Variants in KHDRBS3 observed in about 807,000 individuals in gnomAD.
KHDRBS3 encodes the protein KH RNA binding domain containing, signal transduction associated 3.
A neutral mutation model predicts 45.6 loss-of-function variants in KHDRBS3; 23 were observed. That is an observed-to-expected ratio of 0.50 (90% CI 0.36 to 0.72). The LOEUF (loss-of-function observed/expected upper bound fraction) is 0.72. KHDRBS3 is among the 30% of genes least tolerant of loss of function. KHDRBS3 has a pLI of 0.00. For synonymous variants in KHDRBS3, 162 were observed against 156.5 expected (o/e 1.04, Z -0.26); for missense variants, 352 against 424.8 (o/e 0.83, Z 1.51).
intron 7 of KHDRBS3, among the ~76,000 whole-genome samples, chr8:135,643,813 T>A (rs764293507): frequency 1.3e-5 from 2 of 152,232 alleles, no homozygotes; most frequent in African/African-American, 2.4e-5. Context: ...GCAGTATCCT[T>A]ATCTGTCAAA....
intron 6 of KHDRBS3, among the ~76,000 whole-genome samples, chr8:135,606,686 C>G (rs951658954): frequency 2.6e-5 from 4 of 152,058 alleles, no homozygotes; most frequent in Non-Finnish European, 5.9e-5. Context: ...AGAAAAAAGA[C>G]AATGTTTTCT....
At chr8:135,484,320 A>G (rs1822735538) in intron 1 of KHDRBS3, among the ~76,000 whole-genome samples, 1 of 152,212 alleles carries the variant, frequency 6.6e-6, no homozygotes, top group Non-Finnish European at 1.5e-5. Flanking sequence ...CACCATCGCT[A>G]GACCTTCTTC....
chr8:135,568,943 C>T (rs1010148440), intron 5 of KHDRBS3, among the ~76,000 whole-genome samples: 2 of 152,074 alleles, frequency 1.3e-5, no homozygotes, highest in African/African-American at 4.8e-5. Context: ...TATTGAAGAA[C>T]CATGTTAAAA....
chr8:135,605,145 A>G (rs1359000210), intron 6 of KHDRBS3, among the ~76,000 whole-genome samples: 1 of 151,958 alleles, frequency 6.6e-6, no homozygotes, highest in Non-Finnish European at 1.5e-5. Flanking sequence ...GAGATTATTG[A>G]GCTTCTTGGA....
At chr8:135,608,424 T>C (rs58599328) in intron 7 of KHDRBS3, among the ~76,000 whole-genome samples, 14,558 of 152,250 alleles carry the variant, frequency 0.096, 1,237 homozygotes, top group African/African-American at 0.23. Context: ...CCATAAGTTC[T>C]GTAAGGCCTT....
At chr8:135,513,640 G>A (rs1488705096) in intron 1 of KHDRBS3, among the ~76,000 whole-genome samples, 1 of 152,080 alleles carries the variant, frequency 6.6e-6, no homozygotes, top group Non-Finnish European at 1.5e-5. Context: ...TCAACAATCA[G>A]CAGTGTTCAA....
intron 1 of KHDRBS3, among the ~76,000 whole-genome samples, chr8:135,465,990 C>G (rs980827086): frequency 3.9e-5 from 6 of 152,074 alleles, no homozygotes; most frequent in Non-Finnish European, 7.4e-5. Flanking sequence ...AACATTTTTC[C>G]TTGTTCTTTC....
intron 5 of KHDRBS3, 99 bp from the exon 6 acceptor site, chr8:135,581,779 T>C: frequency 1.0e-6 from 1 of 976,470 alleles, no homozygotes; most frequent in Non-Finnish European, 1.4e-6. Context: ...TTTACAAAAA[T>C]ATAGAACATT....
At chr8:135,569,363 A>T (rs1827586317) in intron 5 of KHDRBS3, among the ~76,000 whole-genome samples, 1 of 152,188 alleles carries the variant, frequency 6.6e-6, no homozygotes, top group Admixed American at 6.5e-5. Flanking sequence ...AACTAGTGTT[A>T]AATTGGCTGC....
intron 7 of KHDRBS3, among the ~76,000 whole-genome samples, chr8:135,631,157 AGGGGAATTGCTTGAACC>A (rs1385859958): frequency 7.3e-6 from 1 of 137,722 alleles, no homozygotes; most frequent in African/African-American, 2.7e-5. Flanking sequence ...AGGCTGAGGC[AGGGGAATTGCTTGAACC>A]GGGGAGGTGG....
At chr8:135,540,660 G>T (rs1826000337) in intron 2 of KHDRBS3, 1 of 152,240 alleles carries the variant, frequency 6.6e-6, no homozygotes, top group African/African-American at 2.4e-5. Context: ...TATTCTGGCA[G>T]CTGGGCTTAC....
At chr8:135,471,833 G>A (rs758849819) in intron 1 of KHDRBS3, among the ~76,000 whole-genome samples, 19 of 152,228 alleles carry the variant, frequency 1.2e-4, no homozygotes, top group Non-Finnish European at 2.4e-4. Flanking sequence ...CCAGCTACTA[G>A]TGTAGTACCA....
At chr8:135,553,678 T>A (rs938709242) in intron 4 of KHDRBS3, among the ~76,000 whole-genome samples, 2 of 152,184 alleles carry the variant, frequency 1.3e-5, no homozygotes, top group African/African-American at 4.8e-5. Flanking sequence ...GCCCACTGAA[T>A]TTTTATGAGT....
At chr8:135,613,295 G>A (rs569895961) in intron 7 of KHDRBS3, among the ~76,000 whole-genome samples, 2 of 151,904 alleles carry the variant, frequency 1.3e-5, no homozygotes, top group African/African-American at 4.8e-5. Flanking sequence ...ATGGTCAGAC[G>A]CCAACTTTAA....
At chr8:135,604,099 A>AT (rs1230687870) in intron 6 of KHDRBS3, among the ~76,000 whole-genome samples, 1 of 151,792 alleles carries the variant, frequency 6.6e-6, no homozygotes, top group Non-Finnish European at 1.5e-5. Context: ...TGTTACATAT[A>AT]TTTTTTATAT....
intron 6 of KHDRBS3, among the ~76,000 whole-genome samples, chr8:135,583,702 C>T (rs984699911): frequency 3.9e-5 from 6 of 152,148 alleles, no homozygotes; most frequent in African/African-American, 1.2e-4. Context: ...CTATTGCCTT[C>T]ATTACATGTA....
chr8:135,514,635 C>T (rs1347427436), intron 1 of KHDRBS3, among the ~76,000 whole-genome samples: 1 of 152,124 alleles, frequency 6.6e-6, no homozygotes, highest in Non-Finnish European at 1.5e-5. Flanking sequence ...ACATCTGTTG[C>T]ACGACAGTGT....
At chr8:135,458,496 T>A (rs895686950) in intron 1 of KHDRBS3, 2 of 249,724 alleles carry the variant, frequency 8.0e-6, no homozygotes, top group African/African-American at 4.5e-5. Flanking sequence ...GGAGAGGAGC[T>A]CCGTGGTCCC....
intron 6 of KHDRBS3, among the ~76,000 whole-genome samples, chr8:135,588,682 C>A (rs1828602783): frequency 6.6e-6 from 1 of 152,162 alleles, no homozygotes; most frequent in African/African-American, 2.4e-5. Flanking sequence ...GCCCTCCTTT[C>A]ACTTTTATTG....
Sources: allele counts gnomAD v4.1 joint callset (sites outside exome capture counted in the v4.1 genomes callset), GRCh38; gene constraint gnomAD v4.1.1; transcripts MANE v1.5; gene names NCBI Gene and HGNC (gene_info 2026-07-23, HGNC 2026-07-21).